Variants in CSMD1 observed in about 807,000 individuals in gnomAD.
CSMD1 encodes CUB and sushi domain-containing protein 1.
Under a neutral mutation model 417.5 loss-of-function variants are expected in CSMD1, and 213 were observed. That is an observed-to-expected ratio of 0.51 (90% confidence interval 0.46 to 0.57). The LOEUF (loss-of-function observed/expected upper bound fraction) is 0.57, where lower values mean the gene tolerates loss of function less well. Ranked by LOEUF, CSMD1 falls within the 20% of genes least tolerant of loss-of-function variation. The probability of loss-of-function intolerance (pLI) is 0.00; values close to 1 mark genes in which losing one functional copy is unlikely to be tolerated. For missense variants in CSMD1, 6,923 were observed against 4,529.7 expected (o/e 1.53, Z -15.17); for synonymous variants, 2,862 against 1,736.8 (o/e 1.65, Z -16.11).
At chr8:3,863,938 C>A (rs1304918285) in intron 5 of CSMD1, among the ~76,000 whole-genome samples, 1 of 152,092 alleles carries the variant, frequency 6.6e-6, no homozygotes, top group Non-Finnish European at 1.5e-5. Flanking sequence ...AAAATGACCT[C>A]CAGAGGTTTA....
intron 14 of CSMD1, among the ~76,000 whole-genome samples, chr8:3,406,517 G>A (rs188034292): frequency 6.6e-6 from 1 of 152,106 alleles, no homozygotes; most frequent in Non-Finnish European, 1.5e-5. Flanking sequence ...TATGGTGGGT[G>A]GTAGAAAGTG....
intron 37 of CSMD1, among the ~76,000 whole-genome samples, chr8:3,173,087 C>T (rs1466019338): frequency 1.3e-5 from 2 of 152,166 alleles, no homozygotes; most frequent in East Asian, 3.9e-4. Context: ...AACTTGATTT[C>T]AATCACTTTA....
intron 49 of CSMD1, among the ~76,000 whole-genome samples, chr8:3,058,443 C>T (rs772566864): frequency 6.6e-6 from 1 of 152,108 alleles, no homozygotes; most frequent in Non-Finnish European, 1.5e-5. Flanking sequence ...TCTTGATACA[C>T]GAAAACAATC....
At chr8:3,130,439 C>T (rs920361971) in intron 41 of CSMD1, among the ~76,000 whole-genome samples, 4 of 152,140 alleles carry the variant, frequency 2.6e-5, no homozygotes, top group African/African-American at 9.7e-5. Flanking sequence ...TCTTCCCTCG[C>T]TTCCCCCAAC....
intron 3 of CSMD1, among the ~76,000 whole-genome samples, chr8:4,059,752 G>A (rs1053327527): frequency 6.6e-6 from 1 of 151,766 alleles, no homozygotes; most frequent in African/African-American, 2.4e-5. Context: ...GGAAGAAGTT[G>A]AATCTCTGAA....
intron 3 of CSMD1, among the ~76,000 whole-genome samples, chr8:4,139,688 T>G (rs73176398): frequency 0.3 from 45,386 of 150,834 alleles, 8,482 homozygotes; most frequent in Non-Finnish European, 0.39. Context: ...TTTGCAAATG[T>G]TAGAATGATG....
At chr8:3,947,589 T>C (rs554024352) in intron 5 of CSMD1, among the ~76,000 whole-genome samples, 4 of 152,336 alleles carry the variant, frequency 2.6e-5, no homozygotes, top group South Asian at 4.1e-4. Context: ...ATGGGTTATA[T>C]AGAAGTGTTT....
intron 3 of CSMD1, among the ~76,000 whole-genome samples, chr8:4,201,682 T>A (rs1290260600): frequency 6.6e-6 from 1 of 151,778 alleles, no homozygotes; most frequent in South Asian, 2.1e-4. Flanking sequence ...TTTACTCAAG[T>A]GTTATACCTA....
rs867577819 is a variant in CSMD1, at chr8:3,960,537, C to G, written c.818+37366G>C. ...TTTAAAAATTAGCATTTAAGTGTGC[C>G]AATTAGGAAAGCATTTTTAGTCTTG... On this transcript the variant is annotated intron_variant, in intron 5 of 69. Transcript: ENST00000635120. Among the ~76,000 whole-genome samples, 64 of 151,976 alleles carry G rather than the reference C, an allele frequency of 4.2e-4. 1 individual carries two copies. The highest frequency in any genetic ancestry group is 1.5e-3 in the African/African-American group (62 of 41,448).
chr8:4,544,111 T>A (rs1384105185), intron 2 of CSMD1, among the ~76,000 whole-genome samples: 1 of 152,234 alleles, frequency 6.6e-6, no homozygotes, highest in Non-Finnish European at 1.5e-5. Flanking sequence ...TTCTTAGGGT[T>A]CTTAATTTGC....
At chr8:3,705,477 A>G (rs188934529) in intron 7 of CSMD1, among the ~76,000 whole-genome samples, 316 of 152,348 alleles carry the variant, frequency 2.1e-3, no homozygotes, top group African/African-American at 7.5e-3. Flanking sequence ...CACACTCTAC[A>G]GTGAACAGAT....
intron 52 of CSMD1, among the ~76,000 whole-genome samples, chr8:3,013,149 A>G (rs78366126): frequency 0.015 from 2,348 of 152,308 alleles, 21 homozygotes; most frequent in East Asian, 0.038. Flanking sequence ...GAACAGAAAA[A>G]TACACTGCTA....
intron 3 of CSMD1, among the ~76,000 whole-genome samples, chr8:4,243,363 G>T (rs1802513864): frequency 6.6e-6 from 1 of 152,074 alleles, no homozygotes; most frequent in African/African-American, 2.4e-5. Flanking sequence ...AATGCCGAGA[G>T]GGGCCCAAAA....
Position 3,795,901 on chromosome 8 carries a change from A to ATATC in CSMD1, c.819-41863_819-41860dup, listed in dbSNP as rs201241295. Among the ~76,000 whole-genome samples the ATATC allele has an allele frequency of 1.9e-4, 9 of 47,508 alleles. 1 individual carries two copies. Among genetic ancestry groups the ATATC allele is most frequent in the South Asian group, 1.3e-3 (2 of 1,500 alleles). 31.2% of individuals were successfully genotyped at this position (47,508 alleles called of 152,430 possible). On this transcript the variant is annotated intron_variant, in intron 5 of 69. Coordinates refer to ENST00000635120, the MANE Select transcript of CSMD1 (RefSeq NM_033225.6). ...ATATATCTATCATGTACAGATATAT[A>ATATC]TATCATGTACAGATATAGATATCTA...
chr8:4,024,811 G>C (rs896865219), intron 4 of CSMD1, among the ~76,000 whole-genome samples: 4 of 152,192 alleles, frequency 2.6e-5, no homozygotes, highest in Non-Finnish European at 2.9e-5. Flanking sequence ...GGAACTTCCT[G>C]AGTATGACTT....
intron 7 of CSMD1, among the ~76,000 whole-genome samples, chr8:3,636,519 C>G (rs1168242325): frequency 6.6e-6 from 1 of 152,148 alleles, no homozygotes; most frequent in African/African-American, 2.4e-5. Flanking sequence ...GCCAGTCAAA[C>G]CCCTTTTACT....
At chr8:4,457,934 G>C (rs1215991530) in intron 2 of CSMD1, among the ~76,000 whole-genome samples, 1 of 152,162 alleles carries the variant, frequency 6.6e-6, no homozygotes. Context: ...CAGAGTCTAT[G>C]TATGTCAACC....
chr8:3,668,267 T>A (rs138959414), intron 7 of CSMD1, among the ~76,000 whole-genome samples: 12 of 152,244 alleles, frequency 7.9e-5, no homozygotes, highest in African/African-American at 2.9e-4. Flanking sequence ...GAGTTCAGCC[T>A]GCGAAGATGG....
chr8:4,062,817 A>C (rs1799048072), intron 3 of CSMD1, among the ~76,000 whole-genome samples: 1 of 152,000 alleles, frequency 6.6e-6, no homozygotes. Context: ...CGGATGTCTG[A>C]CTTTAGGTCT....
Sources: gnomAD v4.1 joint callset for allele counts (sites outside exome capture counted in the v4.1 genomes callset) on GRCh38, gnomAD v4.1.1 for gene constraint, MANE v1.5 for transcripts, NCBI Gene and HGNC (gene_info 2026-07-23, HGNC 2026-07-21) for gene names.